WDR70: variants seen among roughly 807,000 people sequenced by gnomAD.
The protein encoded by WDR70 is WD repeat domain 70.
Under a neutral mutation model 88.6 loss-of-function variants are expected in WDR70, and 53 were observed. That is an observed-to-expected ratio of 0.60 (90% CI 0.48 to 0.75). The LOEUF is 0.75. Among genes scored for constraint, WDR70 ranks in the 30% least tolerant of loss-of-function variants. WDR70 has a pLI of 0.00. For missense variants in WDR70, 610 were observed against 823.2 expected (o/e 0.74, Z 3.17); for synonymous variants, 280 against 270.0 (o/e 1.04, Z -0.36).
At chr5:37,715,682 CAAAT>C (rs1339171597) in intron 13 of WDR70, among the ~76,000 whole-genome samples, 1 of 152,054 alleles carries the variant, frequency 6.6e-6, no homozygotes, top group Non-Finnish European at 1.5e-5. Context: ...AAAGACAGGA[CAAAT>C]AGCCTGGAAA....
chr5:37,712,817 T>G (rs929967089), intron 13 of WDR70, among the ~76,000 whole-genome samples: 6 of 152,282 alleles, frequency 3.9e-5, no homozygotes, highest in South Asian at 2.1e-4. Context: ...TTCTTGTGCC[T>G]CAGCCTCTCT....
chr5:37,476,980 G>A (rs11745000), intron 7 of WDR70, among the ~76,000 whole-genome samples: 39,614 of 152,086 alleles, frequency 0.26, 5,757 homozygotes, highest in East Asian at 0.48. Context: ...ATCTGCATGT[G>A]GTTGAGAAAA....
At chr5:37,748,181 A>G (rs1748689496) in intron 17 of WDR70, among the ~76,000 whole-genome samples, 1 of 152,240 alleles carries the variant, frequency 6.6e-6, no homozygotes, top group African/African-American at 2.4e-5. Flanking sequence ...CGTATAGCCA[A>G]GACAATCCTA....
rs746436232 is a variant in WDR70, at chr5:37,722,951, C to A, written c.1597+17C>A. ...TCATCACCCGTAAGTCGTTAACATGCCTCTCAATCATGCATCTCTCTTCTA... is the reference window on the plus strand; with the variant it reads ...TCATCACCCGTAAGTCGTTAACATGACTCTCAATCATGCATCTCTCTTCTA... On this transcript the variant is annotated intron_variant, in intron 15 of 17. Transcript: ENST00000265107. 3.1e-6 allele frequency: 5 copies of A among 1,612,616 alleles called. No homozygotes were observed. Among genetic ancestry groups the A allele is most frequent in the Non-Finnish European group, 4.2e-6 (5 of 1,179,010 alleles).
chr5:37,728,883 G>C (rs1727288300), intron 17 of WDR70, among the ~76,000 whole-genome samples: 1 of 152,022 alleles, frequency 6.6e-6, no homozygotes, highest in African/African-American at 2.4e-5. Context: ...GTGATTTTCT[G>C]TTTCCCTCTT....
intron 5 of WDR70, among the ~76,000 whole-genome samples, chr5:37,416,894 T>C (rs1309241771): frequency 1.3e-5 from 2 of 152,168 alleles, no homozygotes; most frequent in Non-Finnish European, 2.9e-5. Context: ...CTTTAGAAGC[T>C]GAGAAGCTAA....
At position 37,640,454 on chromosome 5, in the gene WDR70, G is replaced by T. The variant is rs1401058203; in HGVS notation, c.1092+35216G>T. 3.3e-5 allele frequency among the ~76,000 whole-genome samples: 5 copies of T among 151,992 alleles called. No homozygotes were observed. The East Asian group carries it at 9.6e-4, about 29-fold the overall frequency. ...TAATAAATAGGCTATATTGTGTGTG[G>T]TTTTTTTCATTGAGAGAATGATGGA... On this transcript the variant is annotated intron_variant, in intron 10 of 17. Transcript: ENST00000265107.
In WDR70 at chr5:37,523,232, A is replaced by G. The variant is rs183640931; in HGVS notation, c.917+6642A>G. Among the ~76,000 whole-genome samples the G allele has an allele frequency of 1.5e-3, 232 of 152,284 alleles. 3 individuals are homozygous for G. Among genetic ancestry groups the G allele is most frequent in the African/African-American group, 5.3e-3 (220 of 41,576 alleles). ...AGCCTAACTGGGATGCATCCCCCCAATAGGGGCAGACTGACAACCCACACA... is the reference window on the plus strand; with the variant it reads ...AGCCTAACTGGGATGCATCCCCCCAGTAGGGGCAGACTGACAACCCACACA... On this transcript the variant is annotated intron_variant, in intron 9 of 17. Coordinates refer to ENST00000265107, the MANE Select transcript of WDR70 (RefSeq NM_018034.4).
chr5:37,509,172 A>C (rs1226391875), intron 8 of WDR70, among the ~76,000 whole-genome samples: 1 of 151,910 alleles, frequency 6.6e-6, no homozygotes, highest in East Asian at 1.9e-4. Context: ...ATTTTCTCCT[A>C]CTTGCCTTCT....
intron 9 of WDR70, among the ~76,000 whole-genome samples, chr5:37,600,344 G>A (rs1297711973): frequency 1.3e-5 from 2 of 151,910 alleles, no homozygotes; most frequent in African/African-American, 4.8e-5. Context: ...TGGCTAACAC[G>A]GTGAAACCCC....
chr5:37,500,939 A>T (rs1435414257), intron 8 of WDR70, among the ~76,000 whole-genome samples: 2 of 152,110 alleles, frequency 1.3e-5, no homozygotes, highest in South Asian at 2.1e-4. Context: ...AGGTTTAACT[A>T]TGTTGGCCAG....
intron 9 of WDR70, among the ~76,000 whole-genome samples, chr5:37,519,528 A>G (rs1411054334): frequency 6.9e-6 from 1 of 144,932 alleles, no homozygotes; most frequent in East Asian, 2.1e-4. Context: ...CTCACCTCCC[A>G]GACGGGGCGG....
intron 10 of WDR70, among the ~76,000 whole-genome samples, chr5:37,679,773 C>A (rs527343594): frequency 6.6e-6 from 1 of 152,280 alleles, no homozygotes; most frequent in African/African-American, 2.4e-5. Flanking sequence ...GCTGTCAGAC[C>A]GGGACATTTA....
At chr5:37,502,743 G>A (rs1740442996) in intron 8 of WDR70, among the ~76,000 whole-genome samples, 1 of 152,202 alleles carries the variant, frequency 6.6e-6, no homozygotes, top group East Asian at 1.9e-4. Flanking sequence ...GAGGCCTGGG[G>A]AAGCTTTTAC....
At chr5:37,497,427 C>CCCTTCCCTTCCCTTCCG (rs1740259700) in intron 8 of WDR70, among the ~76,000 whole-genome samples, 2 of 34,840 alleles carry the variant, frequency 5.7e-5, no homozygotes, top group East Asian at 7.2e-4. Context: ...CTTCCCTTCC[C>CCCTTCCCTTCCCTTCCG]TCTTCCCTTC....
intron 9 of WDR70, among the ~76,000 whole-genome samples, chr5:37,529,387 AT>A (rs1271806286): frequency 6.6e-6 from 1 of 152,126 alleles, no homozygotes; most frequent in Non-Finnish European, 1.5e-5. Flanking sequence ...TGGAAATTGC[AT>A]TCAATTTATA....
intron 7 of WDR70, among the ~76,000 whole-genome samples, chr5:37,453,103 G>A (rs1738724527): frequency 6.6e-6 from 1 of 152,170 alleles, no homozygotes; most frequent in East Asian, 1.9e-4. Context: ...CTTTTCTTTT[G>A]TTGTTAAGCA....
chr5:37,734,219 T>A (rs759667757), intron 17 of WDR70, among the ~76,000 whole-genome samples: 4 of 152,126 alleles, frequency 2.6e-5, no homozygotes, highest in Non-Finnish European at 5.9e-5. Flanking sequence ...ATAGTGCACA[T>A]CCTTTTTTCA....
chr5:37,614,851 T>C (rs987616231), intron 10 of WDR70, among the ~76,000 whole-genome samples: 2 of 152,158 alleles, frequency 1.3e-5, no homozygotes, highest in African/African-American at 2.4e-5. Flanking sequence ...CAGAAACTTA[T>C]ACTAAACAGA....
Sources: allele counts gnomAD v4.1 joint callset (sites outside exome capture counted in the v4.1 genomes callset), GRCh38; gene constraint gnomAD v4.1.1; transcripts MANE v1.5; gene names NCBI Gene and HGNC (gene_info 2026-07-23, HGNC 2026-07-21).